AKR1C4: variants seen among roughly 807,000 people sequenced by gnomAD.
AKR1C4 encodes 3-alpha-HSD1.
Under a neutral mutation model 41.0 loss-of-function variants are expected in AKR1C4, and 44 were observed. The ratio of observed to expected loss-of-function variants is 1.07; its 90% CI spans 0.84 to 1.38. AKR1C4 has a LOEUF of 1.38. AKR1C4 is among the 40% of genes most tolerant of loss of function. The pLI is 0.00. For synonymous variants in AKR1C4, 165 were observed against 137.7 expected (o/e 1.20, Z -1.39); for missense variants, 438 against 387.9 (o/e 1.13, Z -1.09).
chr10:5,216,228 A>AC (rs1417310264), intron 7 of AKR1C4, among the ~76,000 whole-genome samples: 1 of 152,212 alleles, frequency 6.6e-6, no homozygotes, highest in Non-Finnish European at 1.5e-5. Context: ...AACACTCATT[A>AC]CCATGGGGAG....
At chr10:5,214,779 T>TTC (rs148929884) in intron 7 of AKR1C4, among the ~76,000 whole-genome samples, 17,129 of 152,170 alleles carry the variant, frequency 0.11, 1,175 homozygotes, top group Admixed American at 0.17. Context: ...GACATTTTTA[T>TTC]TCTTTTCCTC....
At chr10:5,205,867 A>C in intron 4 of AKR1C4, 33 bp downstream of exon 4, 5 of 1,587,614 alleles carry the variant, frequency 3.1e-6, no homozygotes, top group Non-Finnish European at 4.3e-6. Flanking sequence ...ACAGAAAAGG[A>C]AGACAAGAAG....
intron 5 of AKR1C4, 146 bp downstream of exon 5, chr10:5,206,543 A>C: frequency 7.0e-7 from 1 of 1,422,264 alleles, no homozygotes; most frequent in Non-Finnish European, 9.4e-7. Flanking sequence ...AAAACGGAAG[A>C]CCCTTAATTG....
Position 5,212,784 on chromosome 10 carries a change from T to G in AKR1C4, c.680+59T>G, listed in dbSNP as rs112639430. The stretch of plus-strand genomic sequence containing the variant: ...CCATTTTGATGAAAAATTTTAGTTA[T>G]AGCATACTCAGTCTCCTAGAGTTCA... On this transcript the variant is annotated intron_variant, in intron 6 of 8. Coordinates refer to ENST00000263126, the MANE Select transcript of AKR1C4 (RefSeq NM_001818.5). The G allele has an allele frequency of 2.7e-5, 42 of 1,550,288 alleles. No individual in the cohort carries two copies. In the African/African-American group the frequency reaches 4.9e-4, roughly 18 times the overall value.
At chr10:5,209,031 T>G (rs942152024) in intron 5 of AKR1C4, among the ~76,000 whole-genome samples, 1 of 146,626 alleles carries the variant, frequency 6.8e-6, no homozygotes, top group Non-Finnish European at 1.5e-5. Flanking sequence ...CTTTATATCA[T>G]AGAAGTTAAA....
chr10:5,202,102 A>G (rs1224988272), intron 2 of AKR1C4, among the ~76,000 whole-genome samples: 1 of 152,082 alleles, frequency 6.6e-6, no homozygotes, highest in Admixed American at 6.5e-5. Flanking sequence ...TTGTGGTTCC[A>G]TATGAATTTG....
intron 8 of AKR1C4, among the ~76,000 whole-genome samples, 168 bp from the exon 9 acceptor site, chr10:5,218,550 A>AAAC (rs1487751954): frequency 1.3e-5 from 2 of 152,004 alleles, no homozygotes; most frequent in Non-Finnish European, 2.9e-5. Context: ...TTGAAAAAAA[A>AAAC]AAAAAACACA....
At chr10:5,211,366 A>T in intron 5 of AKR1C4, among the ~76,000 whole-genome samples, 1 of 152,190 alleles carries the variant, frequency 6.6e-6, no homozygotes, top group East Asian at 1.9e-4. Flanking sequence ...GGATGCTTTT[A>T]ACAGCACCCA....
At chr10:5,202,372 T>C (rs774424749) in intron 2 of AKR1C4, 11 of 392,404 alleles carry the variant, frequency 2.8e-5, no homozygotes, top group South Asian at 1.2e-4. Context: ...CCTGAGACTT[T>C]ACTGAATTTG....
chr10:5,205,315 G>T (rs782588417), intron 3 of AKR1C4, among the ~76,000 whole-genome samples: 10 of 152,150 alleles, frequency 6.6e-5, no homozygotes, highest in Non-Finnish European at 8.8e-5. Flanking sequence ...ATACTGAAAA[G>T]AACTTCCATT....
chr10:5,200,396 G>C, intron 2 of AKR1C4, 48 bp downstream of exon 2: 1 of 1,557,906 alleles, frequency 6.4e-7, no homozygotes, highest in South Asian at 1.2e-5. Flanking sequence ...TAATGGGATT[G>C]TGTGGAGATG....
intron 1 of AKR1C4, 137 bp from the exon 2 acceptor site, chr10:5,200,044 A>G (rs1290778738): frequency 1.4e-5 from 15 of 1,074,084 alleles, no homozygotes; most frequent in Non-Finnish European, 4.0e-6. Flanking sequence ...ATGCTCCCCT[A>G]GAGGTCTGAG....
chr10:5,204,686 A>AC, intron 3 of AKR1C4, 193 bp downstream of exon 3: 1 of 737,916 alleles, frequency 1.4e-6, no homozygotes, highest in Non-Finnish European at 2.5e-6. Flanking sequence ...AGAAGACAGT[A>AC]CATCAACCTC....
intron 8 of AKR1C4, among the ~76,000 whole-genome samples, chr10:5,217,407 T>C (rs575263366): frequency 2.0e-5 from 3 of 152,342 alleles, no homozygotes; most frequent in African/African-American, 7.2e-5. Flanking sequence ...GGCTTTAATT[T>C]TTGCAATATG....
chr10:5,208,055 C>T (rs1235056722), intron 5 of AKR1C4, among the ~76,000 whole-genome samples: 1 of 100,768 alleles, frequency 9.9e-6, no homozygotes, highest in African/African-American at 3.1e-5. Context: ...TGAAATAAAA[C>T]TTTAAAGAGT....
intron 3 of AKR1C4, 197 bp downstream of exon 3, chr10:5,204,690 C>CA (rs782545660): frequency 4.6e-5 from 34 of 734,182 alleles, no homozygotes; most frequent in Non-Finnish European, 8.2e-5. Flanking sequence ...GACAGTACAT[C>CA]AACCTCAAAG....
intron 5 of AKR1C4, 44 bp from the exon 6 acceptor site, chr10:5,212,572 C>T: frequency 6.7e-7 from 1 of 1,498,122 alleles, no homozygotes; most frequent in Non-Finnish European, 9.1e-7. Context: ...ATTAACATAT[C>T]TGTTTTGAAT....
rs1246153933 is a variant in AKR1C4 at position 5,208,300 on chromosome 10, A to G, written c.570+1903A>G. Among the ~76,000 whole-genome samples the G allele has an allele frequency of 1.3e-5, 2 of 151,622 alleles. 1 individual carries two copies. The highest frequency in any genetic ancestry group is 4.9e-5 in the African/African-American group (2 of 40,888). On this transcript the variant is annotated intron_variant, in intron 5 of 8. Coordinates refer to ENST00000263126, the MANE Select transcript of AKR1C4 (RefSeq NM_001818.5). ...TCAATGAGTACAGGTCTACAGTTGA[A>G]ACATGTATTTAAAATTTATGTATTT...
At chr10:5,212,379 G>A (rs1482546016) in intron 5 of AKR1C4, among the ~76,000 whole-genome samples, 2 of 152,150 alleles carry the variant, frequency 1.3e-5, no homozygotes, top group African/African-American at 2.4e-5. Flanking sequence ...TGCACTTCTA[G>A]TGGTCAAAGG....
Sources: allele counts gnomAD v4.1 joint callset (sites outside exome capture counted in the v4.1 genomes callset), GRCh38; gene constraint gnomAD v4.1.1; transcripts MANE v1.5; gene names NCBI Gene and HGNC (gene_info 2026-07-23, HGNC 2026-07-21).